FIP1L1: variants seen among roughly 807,000 people sequenced by gnomAD.
FIP1L1 encodes factor interacting with PAPOLA and CPSF1.
A neutral mutation model predicts 84.6 loss-of-function variants in FIP1L1; 21 were observed. The ratio of observed to expected loss-of-function variants is 0.25; its 90% CI spans 0.18 to 0.36. FIP1L1 has a LOEUF of 0.36. FIP1L1 is among the 10% of genes least tolerant of loss of function. The pLI, the probability that FIP1L1 is intolerant of heterozygous loss-of-function variation, is 1.00. For missense variants in FIP1L1, 526 were observed against 751.1 expected, an observed-to-expected ratio of 0.70 and a Z score of 3.50; for synonymous variants, 263 against 242.3, an observed-to-expected ratio of 1.09 and a Z score of -0.80.
intron 10 of FIP1L1, among the ~76,000 whole-genome samples, chr4:53,406,483 T>G (rs1205913256): frequency 5.3e-5 from 8 of 152,104 alleles, no homozygotes; most frequent in Non-Finnish European, 1.2e-4. Context: ...TTTTGGTTGT[T>G]TCTCTACCCG....
chr4:53,395,513 C>A (rs527756979), intron 9 of FIP1L1, among the ~76,000 whole-genome samples: 27 of 152,130 alleles, frequency 1.8e-4, no homozygotes, highest in Admixed American at 5.9e-4. Flanking sequence ...AGACATGGAG[C>A]CTATAGTCTA....
chr4:53,434,668 AT>A (rs1208911764), intron 13 of FIP1L1, among the ~76,000 whole-genome samples: 5 of 152,116 alleles, frequency 3.3e-5, no homozygotes, highest in African/African-American at 1.2e-4. Context: ...GGGTTTCTCC[AT>A]GTTGGTCAGG....
chr4:53,377,962 G>A, intron 1 of FIP1L1, 39 bp downstream of exon 1: 1 of 1,509,400 alleles, frequency 6.6e-7, no homozygotes, highest in Non-Finnish European at 8.9e-7. Flanking sequence ...GGTTCTCTCA[G>A]GCCTCCCCTC....
intron 10 of FIP1L1, among the ~76,000 whole-genome samples, chr4:53,407,660 C>T (rs1183598920): frequency 6.6e-6 from 1 of 151,984 alleles, no homozygotes; most frequent in African/African-American, 2.4e-5. Flanking sequence ...CTTTGTAGGT[C>T]ACTCAGGACT....
chr4:53,391,433 G>A lies in FIP1L1; in HGVS notation c.640G>A (p.Glu214Lys), dbSNP rs756674595. Reference protein sequence around the residue: ...VTSTTNKITAEDCTMEVTPGA... With the variant: ...VTSTTNKITAKDCTMEVTPGA... Reference sequence around the variant, plus strand: ...GGGAATATGTTATTTAACTTAGGCCGAAGACTGTACTATGGAAGTTACACC... The same window carrying A: ...GGGAATATGTTATTTAACTTAGGCCAAAGACTGTACTATGGAAGTTACACC... Residue 214 changes from glutamate to lysine, a missense_variant, in exon 9 of 18, where the codon GAA becomes AAA. Physicochemically the swap from Glu to Lys is moderately conservative, Grantham distance 56. Around this residue, in one of 6 missense-constraint regions of FIP1L1, gnomAD observed 169 missense variants for 206.9 expected, o/e 0.82. Coordinates refer to ENST00000337488, the MANE Select transcript of FIP1L1 (RefSeq NM_030917.4). 7.4e-6 allele frequency: 12 copies of A among 1,611,650 alleles called. No individual in the cohort carries two copies. Among genetic ancestry groups the A allele is most frequent in the Middle Eastern group, 1.6e-4 (1 of 6,076 alleles).
chr4:53,407,906 T>C lies in FIP1L1; in HGVS notation c.816-6709T>C, dbSNP rs576423136. On this transcript the variant is annotated intron_variant, in intron 10 of 17. Transcript: ENST00000337488. ...TGTGTGTCTCTGCATGTGAGATGTG[T>C]TTCCTGAATACAGCACACTGATGGG... 3.7e-4 allele frequency among the ~76,000 whole-genome samples: 56 copies of C among 152,340 alleles called. 1 individual carries two copies. The highest frequency in any genetic ancestry group is 5.9e-4 in the Non-Finnish European group (40 of 68,034).
At chr4:53,403,574 C>T (rs1261591093) in intron 10 of FIP1L1, among the ~76,000 whole-genome samples, 2 of 152,110 alleles carry the variant, frequency 1.3e-5, no homozygotes, top group Non-Finnish European at 2.9e-5. Context: ...TTTTCTGTAT[C>T]CTGCTGATTG....
In FIP1L1 at chr4:53,459,277, CTTTTTTTTT is replaced by C. The variant is rs3067115; in HGVS notation, c.1638-13_1638-5del. The C allele has an allele frequency of 4.1e-6, 4 of 974,944 alleles. No individual in the cohort carries two copies. Among genetic ancestry groups the C allele is most frequent in the South Asian group, 2.0e-5 (1 of 51,034 alleles). 60.4% of individuals were successfully genotyped at this position (974,944 alleles called of 1,614,324 possible). A position where few individuals can be genotyped will look rare whatever the true frequency, so the allele number is the denominator to read the frequency against. Reference sequence around the variant, plus strand: ...GATTGTGTATTTAAACAGAACACACCTTTTTTTTTTTTTTTTTTTTCCAGTAATAGTAGA... The same window carrying C: ...GATTGTGTATTTAAACAGAACACACCTTTTTTTTTTTCCAGTAATAGTAGA... On this transcript the variant is annotated splice_polypyrimidine_tract_variant and intron_variant, in intron 17 of 17. Transcript: ENST00000337488.
At chr4:53,382,193 A>G (rs1011925673) in intron 3 of FIP1L1, 85 bp from the exon 4 acceptor site, 1 of 932,844 alleles carries the variant, frequency 1.1e-6, no homozygotes, top group African/African-American at 1.7e-5. Flanking sequence ...TAGGAGCTTT[A>G]TTAAAGCTTA....
chr4:53,442,454 C>A (rs982553236), intron 13 of FIP1L1, 199 bp from the exon 14 acceptor site: 19 of 536,802 alleles, frequency 3.5e-5, no homozygotes, highest in Non-Finnish European at 6.0e-5. Flanking sequence ...GTGTATTAGA[C>A]CAGACTGCTT....
chr4:53,393,015 T>A (rs986220787), intron 9 of FIP1L1, among the ~76,000 whole-genome samples: 7 of 152,204 alleles, frequency 4.6e-5, no homozygotes, highest in African/African-American at 1.7e-4. Context: ...ATTTTTTCTT[T>A]ATGTATATTG....
chr4:53,386,445 G>A lies in FIP1L1; in HGVS notation c.332+2569G>A, dbSNP rs569123983. Among the ~76,000 whole-genome samples the A allele has an allele frequency of 9.2e-5, 14 of 152,274 alleles. No homozygotes were observed. In the East Asian group the frequency reaches 2.5e-3, roughly 27 times the overall value. ...ATACAGGAAGTTATTATTTTCCAGA[G>A]GTAGTGAGGATGCCAGACATGTGAG... On this transcript the variant is annotated intron_variant, in intron 5 of 17. Coordinates refer to ENST00000337488, the MANE Select transcript of FIP1L1 (RefSeq NM_030917.4).
chr4:53,397,455 T>C (rs1747997633), intron 9 of FIP1L1, among the ~76,000 whole-genome samples: 1 of 152,170 alleles, frequency 6.6e-6, no homozygotes, highest in South Asian at 2.1e-4. Flanking sequence ...ATGAATGGAG[T>C]GGCATGCATC....
intron 16 of FIP1L1, among the ~76,000 whole-genome samples, chr4:53,454,389 A>C (rs1717805980): frequency 1.3e-5 from 2 of 152,194 alleles, no homozygotes; most frequent in East Asian, 3.8e-4. Flanking sequence ...GAAATCACCT[A>C]ATAATGCATT....
At chr4:53,430,341 CTTTTTTTTTTTTT>C (rs376793476) in intron 13 of FIP1L1, among the ~76,000 whole-genome samples, 8 of 75,806 alleles carry the variant, frequency 1.1e-4, no homozygotes, top group Non-Finnish European at 1.9e-4. Flanking sequence ...GATAAAATTA[CTTTTTTTTTTTTT>C]TTTTTTTTTT....
chr4:53,411,142 T>G (rs1396838631), intron 10 of FIP1L1, among the ~76,000 whole-genome samples: 1 of 152,060 alleles, frequency 6.6e-6, no homozygotes, highest in Non-Finnish European at 1.5e-5. Context: ...TATCAGGGAA[T>G]TATAAAAAAG....
chr4:53,438,026 A>G (rs771234582), intron 13 of FIP1L1, among the ~76,000 whole-genome samples: 30 of 151,990 alleles, frequency 2.0e-4, no homozygotes, highest in Non-Finnish European at 4.1e-4. Context: ...CGCCCGGCCT[A>G]TGTTCAAGTT....
chr4:53,420,042 A>G (rs1392332902), intron 11 of FIP1L1, among the ~76,000 whole-genome samples: 2 of 151,534 alleles, frequency 1.3e-5, no homozygotes, highest in South Asian at 2.1e-4. Flanking sequence ...TAAAAATACA[A>G]TAAAAATTAG....
intron 12 of FIP1L1, among the ~76,000 whole-genome samples, chr4:53,427,307 C>G (rs917896298): frequency 1.3e-5 from 2 of 152,116 alleles, no homozygotes; most frequent in Non-Finnish European, 2.9e-5. Flanking sequence ...TTTACACATC[C>G]TTGGGGAGCT....
Sources: allele counts gnomAD v4.1 joint callset (sites outside exome capture counted in the v4.1 genomes callset), GRCh38; gene constraint gnomAD v4.1.1; regional missense constraint gnomAD v4.1.1; transcripts MANE v1.5; gene names NCBI Gene and HGNC (gene_info 2026-07-23, HGNC 2026-07-21).